CACNA1B: variants seen among roughly 807,000 people sequenced by gnomAD.
The protein encoded by CACNA1B is voltage-dependent N-type calcium channel subunit alpha-1B.
CACNA1B carries 70 observed loss-of-function variants against 247.2 expected under a neutral mutation model. The ratio of observed to expected loss-of-function variants is 0.28; its 90% CI spans 0.23 to 0.35. The LOEUF (loss-of-function observed/expected upper bound fraction) is 0.35. Ranked by LOEUF, CACNA1B falls within the 10% of genes least tolerant of loss-of-function variation. The pLI, the probability that CACNA1B is intolerant of heterozygous loss-of-function variation, is 1.00. For synonymous variants in CACNA1B, 1,231 were observed against 1,294.4 expected (o/e 0.95, Z 1.05); for missense variants, 2,367 against 3,197.4 (o/e 0.74, Z 6.26).
At chr9:138,032,441 T>C (rs372381739) in intron 20 of CACNA1B, among the ~76,000 whole-genome samples, 4 of 152,306 alleles carry the variant, frequency 2.6e-5, no homozygotes, top group South Asian at 2.1e-4. Context: ...AAAAGTGTGT[T>C]GTATTTACCT....
rs200279564 is a variant in CACNA1B at position 138,073,551 on chromosome 9, C to T, written c.4738C>T (p.Arg1580Cys). 1.2e-5 allele frequency: 20 copies of T among 1,613,324 alleles called. No homozygotes were observed. Among genetic ancestry groups the T allele is most frequent in the Non-Finnish European group, 1.4e-5 (16 of 1,179,470 alleles). ...FRAARLIKLL[R>C]QGYTIRILLW... ...AGCTGCGCGGCTGATCAAGCTGCTC[C>T]GCCAGGGCTACACCATCCGCATCCT... is the stretch of plus-strand genomic sequence containing the variant. The change falls in exon 33 of 47, where the codon CGC (arginine) becomes TGC (cysteine). Residue 1580 changes from arginine (R) to cysteine (C), a missense_variant. By Grantham distance (180) the Arg-to-Cys change is radical (BLOSUM62 -3). Around this residue, in one of 12 missense-constraint regions of CACNA1B, gnomAD observed 436 missense variants for 679.5 expected, o/e 0.64. Coordinates refer to ENST00000371372, the MANE Select transcript of CACNA1B (RefSeq NM_000718.4). This position sits in a 1 kb window ranked among gnomAD's most constrained non-coding sequence, Gnocchi z 6.4.
rs183588291 is a variant in CACNA1B, at chr9:137,897,714, T to C, written c.530+14831T>C. 2.0e-3 allele frequency among the ~76,000 whole-genome samples: 302 copies of C among 151,752 alleles called. 6 individuals carry two copies. The East Asian group carries it at 0.054, about 27-fold the overall frequency. Reference sequence around the variant, plus strand: ...TTTGTGTTTTTATCATTTTAATCATTATTATTATTATTATTATATTTTTGC... The same window carrying C: ...TTTGTGTTTTTATCATTTTAATCATCATTATTATTATTATTATATTTTTGC... On this transcript the variant is annotated intron_variant, in intron 3 of 46. Transcript: ENST00000371372.
rs1008164906 is a variant in CACNA1B, at chr9:137,893,777, C to G, written c.530+10894C>G. Among the ~76,000 whole-genome samples, 13 of 152,282 alleles carry G rather than the reference C, an allele frequency of 8.5e-5. No homozygotes were observed. The East Asian group carries it at 2.5e-3, about 29-fold the overall frequency. ...AGAGCAGTGTACTCTTTACCCAGTT[C>G]CCCCAAAGGAAACCTCTTAGGAAAC... On this transcript the variant is annotated intron_variant, in intron 3 of 46. Transcript: ENST00000371372.
rs575321064 is a variant in CACNA1B, at chr9:137,886,119, C to A, written c.530+3236C>A. Among the ~76,000 whole-genome samples the A allele has an allele frequency of 4.0e-5, 6 of 151,830 alleles. No individual in the cohort carries two copies. The East Asian group carries it at 1.2e-3, about 30-fold the overall frequency. On this transcript the variant is annotated intron_variant, in intron 3 of 46. Coordinates refer to ENST00000371372, the MANE Select transcript of CACNA1B (RefSeq NM_000718.4). ...GTGGTCGTCTGAGTGGATCATTTGCCAAGAGAGATTCTGGGCCCAGGAGTG... is the reference window on the plus strand; with the variant it reads ...GTGGTCGTCTGAGTGGATCATTTGCAAAGAGAGATTCTGGGCCCAGGAGTG...
chr9:137,916,729 CAGTTTGGCTGTGAGGGAGGT>C lies in CACNA1B; in HGVS notation c.776-493_776-474del, dbSNP rs1447200430. 2.2e-4 allele frequency among the ~76,000 whole-genome samples: 33 copies of C among 151,618 alleles called. 2 individuals carry two copies. The East Asian group carries it at 2.4e-3, about 11-fold the overall frequency. On this transcript the variant is annotated intron_variant, in intron 5 of 46. Coordinates refer to ENST00000371372, the MANE Select transcript of CACNA1B (RefSeq NM_000718.4). The stretch of plus-strand genomic sequence containing the variant: ...TGAGGGAGAGGTACAGTCAGCGTGG[CAGTTTGGCTGTGAGGGAGGT>C]AGTTTGGCTGTGAGGGAGAGGAACG...
chr9:137,883,151 C>T, intron 3 of CACNA1B: 1 of 448,842 alleles, frequency 2.2e-6, no homozygotes, highest in Non-Finnish European at 4.1e-6. Flanking sequence ...GCGCACAGGC[C>T]AGGGGCCACC....
At chr9:137,926,221 C>T (rs910845628) in intron 6 of CACNA1B, among the ~76,000 whole-genome samples, 6 of 152,036 alleles carry the variant, frequency 3.9e-5, no homozygotes, top group African/African-American at 1.4e-4. Context: ...AGGCACCTGC[C>T]ACAGTGCCCA....
intron 44 of CACNA1B, among the ~76,000 whole-genome samples, chr9:138,119,317 G>C (rs1037551574): frequency 3.3e-5 from 5 of 152,028 alleles, no homozygotes; most frequent in African/African-American, 1.2e-4. Context: ...TGTGTTTCCC[G>C]GGGGAGGCTC....
In CACNA1B at chr9:138,043,848, C is replaced by A; in HGVS notation, c.3361C>A (p.Pro1121Thr). 6.2e-7 allele frequency: 1 copy of A among 1,613,968 alleles called. No individual in the cohort carries two copies. ...VEADDVMRSGPRPIVPYSSMF... is the reference protein window; with the variant it reads ...VEADDVMRSGTRPIVPYSSMF... ...AGCGGATGACGTGATGAGGAGCGGC[C>A]CCCGGCCTATCGTCCCATACAGCTC... Residue 1121 changes from proline (P) to threonine (T), a missense_variant, in exon 21 of 47, where the codon CCC becomes ACC. Pro to Thr is a conservative substitution (Grantham distance 38). This residue lies in a region of CACNA1B where 631 missense variants were observed against 631.1 expected (regional missense o/e 1.00). Coordinates refer to ENST00000371372, the MANE Select transcript of CACNA1B (RefSeq NM_000718.4).
chr9:137,982,579 T>G (rs1412672463), intron 12 of CACNA1B, among the ~76,000 whole-genome samples: 1 of 152,230 alleles, frequency 6.6e-6, no homozygotes, highest in East Asian at 1.9e-4. Flanking sequence ...TCTTAGAGGC[T>G]GCCTACTACA....
At chr9:137,948,724 G>A (rs1454016466) in intron 6 of CACNA1B, among the ~76,000 whole-genome samples, 1 of 149,802 alleles carries the variant, frequency 6.7e-6, no homozygotes, top group Non-Finnish European at 1.5e-5. Flanking sequence ...TGGTGTATGT[G>A]GTGTGTGTAG....
Position 138,094,716 on chromosome 9 carries a change from G to A in CACNA1B, c.5095-1768G>A, listed in dbSNP as rs1214930846. Among the ~76,000 whole-genome samples, 11 of 152,238 alleles carry A rather than the reference G, an allele frequency of 7.2e-5. No homozygotes were observed. In the East Asian group the frequency reaches 2.1e-3, roughly 29 times the overall value. On this transcript the variant is annotated intron_variant, in intron 36 of 46. Transcript: ENST00000371372. ...AAAGCTACAGTTATCAAAACAATGTGGTACTGGCATAAAGATAGATACATA... is the reference window on the plus strand; with the variant it reads ...AAAGCTACAGTTATCAAAACAATGTAGTACTGGCATAAAGATAGATACATA...
chr9:138,060,877 C>A (rs2133510253), intron 31 of CACNA1B, among the ~76,000 whole-genome samples: 1 of 152,240 alleles, frequency 6.6e-6, no homozygotes, highest in South Asian at 2.1e-4. Flanking sequence ...TTCCCCCCAC[C>A]CTTTCTAGAG....
chr9:138,060,481 G>A (rs1959683083), intron 31 of CACNA1B, among the ~76,000 whole-genome samples: 1 of 152,234 alleles, frequency 6.6e-6, no homozygotes, highest in Non-Finnish European at 1.5e-5. Context: ...GTGGGTCAGT[G>A]TGGGTCATCT....
At chr9:138,044,741 C>G (rs1959169306) in intron 21 of CACNA1B, among the ~76,000 whole-genome samples, 2 of 152,202 alleles carry the variant, frequency 1.3e-5, no homozygotes, top group Admixed American at 1.3e-4. Flanking sequence ...ATGGACGTAC[C>G]CCTGTTCGTT....
chr9:138,096,711 C>G (rs1589125913), intron 37 of CACNA1B, 100 bp downstream of exon 37: 6 of 1,270,808 alleles, frequency 4.7e-6, no homozygotes, highest in Non-Finnish European at 6.5e-6. Flanking sequence ...GTGAGCACCC[C>G]CTCAGGTTTT....
chr9:138,121,627 T>G lies in CACNA1B; in HGVS notation c.6648T>G (p.Ala2216=), dbSNP rs1419869199. Reference sequence around the variant, plus strand: ...CCTCACCCATCCACTTCGCCGGGGCTCAGACCAGCCTCCCTGCCTTCTCCC... The same window carrying G: ...CCTCACCCATCCACTTCGCCGGGGCGCAGACCAGCCTCCCTGCCTTCTCCC... The part of the protein sequence containing the change: ...ANSSPIHFAG[A]QTSLPAFSPG... The change falls in exon 47 of 47, where the codon GCT becomes GCG. Residue 2216 remains alanine, a synonymous_variant. Transcript: ENST00000371372. This position sits in a 1 kb window ranked among gnomAD's most constrained non-coding sequence, Gnocchi z 6.8. 6 of 1,612,838 alleles carry G rather than the reference T, an allele frequency of 3.7e-6. No homozygotes were observed. Among genetic ancestry groups the G allele is most frequent in the African/African-American group, 1.3e-5 (1 of 74,822 alleles).
Position 138,112,426 on chromosome 9 carries a change from G to T in CACNA1B, c.5457G>T (p.Ala1819=). ...GGACAAAGCAGCATCAGTGTGACGC[G>T]GAGTTGAGGAAGGAGATTTCCGTTG... ...PAGTKQHQCD[A]ELRKEISVVW... Residue 1819 remains alanine (A), a synonymous_variant, in exon 40 of 47, where the codon GCG becomes GCT. Transcript: ENST00000371372. 1 of 1,613,494 alleles carries T rather than the reference G, an allele frequency of 6.2e-7. No individual in the cohort carries two copies. The highest frequency in any genetic ancestry group is 8.5e-7 in the Non-Finnish European group (1 of 1,179,446).
intron 3 of CACNA1B, among the ~76,000 whole-genome samples, chr9:137,902,525 CTTTAA>C (rs944219327): frequency 6.6e-6 from 1 of 152,326 alleles, no homozygotes; most frequent in East Asian, 1.9e-4. Context: ...AATATAACAT[CTTTAA>C]TTTAAATACC....
Sources: gnomAD v4.1 joint callset for allele counts (sites outside exome capture counted in the v4.1 genomes callset) on GRCh38, gnomAD v4.1.1 for gene constraint, gnomAD v4.1.1 regional missense constraint, Gnocchi (gnomAD v3.1) non-coding constraint, MANE v1.5 for transcripts, NCBI Gene and HGNC (gene_info 2026-07-23, HGNC 2026-07-21) for gene names.